GABRB1: variants seen among roughly 807,000 people sequenced by gnomAD.
GABRB1 encodes gamma-aminobutyric acid receptor subunit beta-1.
A neutral mutation model predicts 51.6 loss-of-function variants in GABRB1; 17 were observed. That is an observed-to-expected ratio of 0.33 (90% CI 0.23 to 0.49). The LOEUF is 0.49. GABRB1 is among the 20% of genes least tolerant of loss of function. GABRB1 has a pLI of 0.99. For missense variants in GABRB1, 410 were observed against 600.6 expected (o/e 0.68, Z 3.32); for synonymous variants, 247 against 218.9 (o/e 1.13, Z -1.14).
intron 3 of GABRB1, among the ~76,000 whole-genome samples, chr4:47,105,832 G>C (rs1242188118): frequency 1.3e-5 from 2 of 152,084 alleles, no homozygotes; most frequent in African/African-American, 4.8e-5. Flanking sequence ...CAGTGAGTTA[G>C]TGTAAATTTC....
intron 3 of GABRB1, among the ~76,000 whole-genome samples, chr4:47,081,614 C>T (rs183749905): frequency 9.5e-4 from 144 of 152,170 alleles, no homozygotes; most frequent in Non-Finnish European, 1.3e-3. Flanking sequence ...TTCTTTATCT[C>T]CCTCATATTC....
rs960731081 is a variant in GABRB1, at chr4:47,219,459, A to T, written c.461+57990A>T. Among the ~76,000 whole-genome samples the T allele has an allele frequency of 5.9e-5, 9 of 151,860 alleles. No homozygotes were observed. In the South Asian group the frequency reaches 6.2e-4, roughly 11 times the overall value. On this transcript the variant is annotated intron_variant, in intron 4 of 8. Transcript: ENST00000295454. ...TTGTGTTATTATTTTGTATTCTTCTAACCTGCTTCTATTTGTTGTCTTGTA... is the reference window on the plus strand; with the variant it reads ...TTGTGTTATTATTTTGTATTCTTCTTACCTGCTTCTATTTGTTGTCTTGTA...
At chr4:47,308,252 G>A (rs1471892352) in intron 4 of GABRB1, among the ~76,000 whole-genome samples, 1 of 151,998 alleles carries the variant, frequency 6.6e-6, no homozygotes, top group Non-Finnish European at 1.5e-5. Flanking sequence ...AGAATCCTAA[G>A]TATGATTACA....
intron 5 of GABRB1, among the ~76,000 whole-genome samples, chr4:47,396,808 A>AT (rs2110044254): frequency 6.6e-6 from 1 of 152,314 alleles, no homozygotes; most frequent in South Asian, 2.1e-4. Flanking sequence ...GAGTAGCTGC[A>AT]TCCCCACGTG....
intron 4 of GABRB1, among the ~76,000 whole-genome samples, chr4:47,252,819 G>A (rs553142063): frequency 2.0e-5 from 3 of 152,120 alleles, no homozygotes; most frequent in South Asian, 4.2e-4. Flanking sequence ...TGTCCAGCCT[G>A]TACACATTTC....
chr4:47,152,551 T>A (rs992598875), intron 3 of GABRB1, among the ~76,000 whole-genome samples: 2 of 152,042 alleles, frequency 1.3e-5, no homozygotes, highest in African/African-American at 4.8e-5. Flanking sequence ...AGCTAATCCA[T>A]TCCCACAACT....
At chr4:47,033,369 T>G (rs1170277186) in intron 3 of GABRB1, among the ~76,000 whole-genome samples, 7 of 152,192 alleles carry the variant, frequency 4.6e-5, no homozygotes, top group African/African-American at 1.7e-4. Context: ...TTCCGTCCAC[T>G]GTGTGTAGGA....
At chr4:47,381,810 T>C (rs1727607407) in intron 5 of GABRB1, among the ~76,000 whole-genome samples, 1 of 152,244 alleles carries the variant, frequency 6.6e-6, no homozygotes, top group African/African-American at 2.4e-5. Flanking sequence ...GGGGAACTTA[T>C]GGGTGAAGAG....
At chr4:47,103,171 G>T (rs563943517) in intron 3 of GABRB1, among the ~76,000 whole-genome samples, 38 of 152,048 alleles carry the variant, frequency 2.5e-4, no homozygotes, top group African/African-American at 8.9e-4. Context: ...AAGACATTGA[G>T]TTTAAAGCAA....
intron 5 of GABRB1, among the ~76,000 whole-genome samples, chr4:47,332,593 A>G (rs1394186037): frequency 6.6e-6 from 1 of 152,156 alleles, no homozygotes; most frequent in African/African-American, 2.4e-5. Context: ...TATTGATACT[A>G]TGCCCCACCC....
chr4:47,380,163 GA>G (rs1727543407), intron 5 of GABRB1, among the ~76,000 whole-genome samples: 1 of 152,050 alleles, frequency 6.6e-6, no homozygotes. Context: ...AATTTCTCTG[GA>G]ATTGCTTGTT....
intron 3 of GABRB1, among the ~76,000 whole-genome samples, chr4:47,112,049 A>G (rs1715235908): frequency 6.6e-6 from 1 of 150,594 alleles, no homozygotes; most frequent in South Asian, 2.1e-4. Context: ...GGCTCACTGC[A>G]ACCTCCACCT....
At chr4:47,028,220 T>C (rs1277443568), upstream of GABRB1, among the ~76,000 whole-genome samples, 1 of 151,764 alleles carries the variant, frequency 6.6e-6, no homozygotes, top group African/African-American at 2.4e-5. Flanking sequence ...TGTGTATGTT[T>C]ATGGGGTACA....
At chr4:47,073,744 T>C (rs1727436916) in intron 3 of GABRB1, among the ~76,000 whole-genome samples, 1 of 152,238 alleles carries the variant, frequency 6.6e-6, no homozygotes, top group Non-Finnish European at 1.5e-5. Context: ...TAATCTCTTC[T>C]GGCACTCATG....
chr4:47,258,716 TAAC>T (rs1217629099), intron 4 of GABRB1, among the ~76,000 whole-genome samples: 1 of 152,100 alleles, frequency 6.6e-6, no homozygotes, highest in Non-Finnish European at 1.5e-5. Context: ...GGGCACAAAA[TAAC>T]AAAATTTTCT....
chr4:47,089,363 A>T (rs1029943177), intron 3 of GABRB1, among the ~76,000 whole-genome samples: 1 of 152,176 alleles, frequency 6.6e-6, no homozygotes, highest in African/African-American at 2.4e-5. Context: ...ACGAAAGGCA[A>T]TGTATTCTAG....
intron 4 of GABRB1, among the ~76,000 whole-genome samples, chr4:47,266,194 G>T (rs573019083): frequency 6.6e-6 from 1 of 152,204 alleles, no homozygotes; most frequent in South Asian, 2.1e-4. Flanking sequence ...ATTAAATAGG[G>T]TATCCTTTCC....
rs113009410 is a variant in GABRB1, at chr4:47,048,613, G to C, written c.240+16129G>C. The stretch of plus-strand genomic sequence containing the variant: ...TAAGAATAGAAATAGTGGTTAAAAT[G>C]TAATGAATGCATGCCATGTCTCAGG... On this transcript the variant is annotated intron_variant, in intron 3 of 8. Coordinates refer to ENST00000295454, the MANE Select transcript of GABRB1 (RefSeq NM_000812.4). 3.6e-4 allele frequency among the ~76,000 whole-genome samples: 55 copies of C among 152,246 alleles called. 1 individual carries two copies. Among genetic ancestry groups the C allele is most frequent in the African/African-American group, 1.3e-3 (55 of 41,556 alleles).
chr4:47,056,441 A>G (rs1034223525), intron 3 of GABRB1, among the ~76,000 whole-genome samples: 1 of 152,174 alleles, frequency 6.6e-6, no homozygotes, highest in Non-Finnish European at 1.5e-5. Context: ...CTCAGGTCTT[A>G]ACATGTCAAG....
Sources: allele counts gnomAD v4.1 joint callset (sites outside exome capture counted in the v4.1 genomes callset), GRCh38; gene constraint gnomAD v4.1.1; transcripts MANE v1.5; gene names NCBI Gene and HGNC (gene_info 2026-07-23, HGNC 2026-07-21).